The following TPH1 variants were observed in gnomAD, a reference collection of about 807,000 sequenced individuals.
The protein encoded by TPH1 is tryptophan hydroxylase 1, also known as tryptophan 5-hydroxylase 1.
In TPH1, 37 loss-of-function variants were observed where a neutral mutation model predicts 49.5. The ratio of observed to expected loss-of-function variants is 0.75; its 90% CI spans 0.58 to 0.98. The LOEUF (loss-of-function observed/expected upper bound fraction) is 0.98, where lower values mean the gene tolerates loss of function less well. TPH1 is among the 50% of genes least tolerant of loss of function. The pLI is 0.00. For synonymous variants in TPH1, 160 were observed against 182.1 expected, an observed-to-expected ratio of 0.88 and a Z score of 0.98; for missense variants, 487 against 523.6, an observed-to-expected ratio of 0.93 and a Z score of 0.68.
intron 1 of TPH1, among the ~76,000 whole-genome samples, chr11:18,044,602 C>G (rs1469380509): frequency 6.6e-6 from 1 of 151,752 alleles, no homozygotes; most frequent in Non-Finnish European, 1.5e-5. Context: ...TAAAACTTGG[C>G]CATAACTTTG....
rs1340242045 is a variant in TPH1 at position 18,019,605 on chromosome 11, G to T, written c.*1386C>A. 1 of 456,206 alleles carries T rather than the reference G, an allele frequency of 2.2e-6. No homozygotes were observed. The highest frequency in any genetic ancestry group is 6.9e-5 in the East Asian group (1 of 14,390). The allele number at this position is 456,206 out of a possible 1,614,324, so 28.3% of individuals were successfully genotyped here. On this transcript the variant is annotated 3_prime_UTR_variant, in exon 11 of 11. Transcript: ENST00000682019. ...AAAAAAATTCAAGAAAGATGTCAGG[G>T]TTATAACTGCAAATAGAGGAGTCAT...
intron 2 of TPH1, 73 bp downstream of exon 2, chr11:18,040,573 C>T (rs984621265): frequency 2.3e-5 from 33 of 1,416,814 alleles, no homozygotes; most frequent in Non-Finnish European, 2.9e-5. Flanking sequence ...TGCTATGTTG[C>T]CCTATATTTT....
chr11:18,029,070 A>G, intron 6 of TPH1, 95 bp downstream of exon 6: 1 of 837,508 alleles, frequency 1.2e-6, no homozygotes. Flanking sequence ...ACAGAAAGAG[A>G]GACTCTGTCT....
At position 18,018,665 on chromosome 11, in the gene TPH1, C is replaced by CAAAAAAAAAAAA. The variant is rs57390279; in HGVS notation, c.*2314_*2325dup. ...TGGGCGACAGAGCAAGACTCCGTCTCAAAAAAAAAAAAAAAAAAAAAAAAA... is the reference window on the plus strand; with the variant it reads ...TGGGCGACAGAGCAAGACTCCGTCTCAAAAAAAAAAAAAAAAAAAAAAAAAAAAAAAAAAAAA... On this transcript the variant is annotated 3_prime_UTR_variant, in exon 11 of 11. Transcript: ENST00000682019. 23 of 37,038 alleles carry CAAAAAAAAAAAA rather than the reference C, an allele frequency of 6.2e-4. No homozygotes were observed. Among genetic ancestry groups the CAAAAAAAAAAAA allele is most frequent in the East Asian group, 1.1e-3 (1 of 900 alleles). The allele number at this position is 37,038 out of a possible 1,614,324, so 2.3% of individuals were successfully genotyped here. A position where few individuals can be genotyped will look rare whatever the true frequency, so the allele number is the denominator to read the frequency against.
At chr11:18,032,537 C>CTTTTTT (rs34366393) in intron 4 of TPH1, among the ~76,000 whole-genome samples, 3 of 86,304 alleles carry the variant, frequency 3.5e-5, no homozygotes, top group Admixed American at 1.2e-4. Flanking sequence ...TTGTTGAAAT[C>CTTTTTT]TTTTTTTTTT....
In TPH1 at chr11:18,033,299, C is replaced by G. The variant is rs376428669; in HGVS notation, c.377G>C (p.Gly126Ala). 2 of 1,613,222 alleles carry G rather than the reference C, an allele frequency of 1.2e-6. No homozygotes were observed. Among genetic ancestry groups the G allele is most frequent in the Non-Finnish European group, 1.7e-6 (2 of 1,179,244 alleles). Residue 126 changes from glycine (G) to alanine (A), a missense_variant, in exon 4 of 11, where the codon GGA (glycine) becomes GCA (alanine). Transcript: ENST00000682019. ...AGGATGGTCTGCATCTAGTTCAGAT[C>G]CATACATCAGAACTCTGTTGGCACA... ...DHCANRVLMYGSELDADHPGF... is the reference protein window; with the variant it reads ...DHCANRVLMYASELDADHPGF...
At chr11:18,038,496 A>G (rs1045678883) in intron 2 of TPH1, among the ~76,000 whole-genome samples, 2 of 152,250 alleles carry the variant, frequency 1.3e-5, no homozygotes, top group African/African-American at 2.4e-5. Context: ...GTGCAGACAA[A>G]GTAATTCAAT....
At chr11:18,024,529 T>A (rs573834442) in intron 8 of TPH1, among the ~76,000 whole-genome samples, 1 of 152,224 alleles carries the variant, frequency 6.6e-6, no homozygotes, top group African/African-American at 2.4e-5. Context: ...TAGAAAAGCA[T>A]TGAATATCTT....
chr11:18,023,043 T>C (rs1352204641), intron 9 of TPH1, 112 bp from the exon 10 acceptor site: 39 of 1,190,588 alleles, frequency 3.3e-5, no homozygotes, highest in Non-Finnish European at 4.4e-5. Context: ...GGCCCCAATC[T>C]ACAATTCCAA....
chr11:18,026,140 C>T (rs756023904), intron 7 of TPH1, among the ~76,000 whole-genome samples: 5 of 152,116 alleles, frequency 3.3e-5, no homozygotes, highest in Non-Finnish European at 7.4e-5. Context: ...CCACTCGATG[C>T]AACATTTGCA....
At chr11:18,039,809 T>C (rs1848082984) in intron 2 of TPH1, among the ~76,000 whole-genome samples, 1 of 152,154 alleles carries the variant, frequency 6.6e-6, no homozygotes, top group African/African-American at 2.4e-5. Context: ...GTGTTCTGCC[T>C]GACTGATCCA....
At position 18,019,879 on chromosome 11, in the gene TPH1, T is replaced by C. The variant is rs1854337808; in HGVS notation, c.*1112A>G. ...AAACCATTCCTTGGCAATCCTTACA[T>C]TACTTACAGTCTCAGTCCTAAACCA... On this transcript the variant is annotated 3_prime_UTR_variant, in exon 11 of 11. Coordinates refer to ENST00000682019, the MANE Select transcript of TPH1 (RefSeq NM_004179.3). 7.7e-6 allele frequency: 3 copies of C among 388,576 alleles called. No homozygotes were observed. The highest frequency in any genetic ancestry group is 2.1e-5 in the African/African-American group (1 of 47,770). The allele number at this position is 388,576 out of a possible 1,614,324, so 24.1% of individuals were successfully genotyped here.
At chr11:18,027,417 G>A (rs896888612) in intron 6 of TPH1, among the ~76,000 whole-genome samples, 3 of 152,220 alleles carry the variant, frequency 2.0e-5, no homozygotes, top group Non-Finnish European at 4.4e-5. Context: ...CTAGCCACAT[G>A]TAGCCATTGA....
intron 3 of TPH1, among the ~76,000 whole-genome samples, chr11:18,035,040 G>T (rs934142373): frequency 6.6e-6 from 1 of 152,220 alleles, no homozygotes; most frequent in African/African-American, 2.4e-5. Flanking sequence ...TCACAATAGG[G>T]TTTACGCTCC....
intron 4 of TPH1, among the ~76,000 whole-genome samples, chr11:18,030,473 T>G (rs896925238): frequency 6.8e-6 from 1 of 146,734 alleles, no homozygotes. Context: ...ATGCAAATAA[T>G]GGGAAAGAAG....
chr11:18,020,797 A>C lies in TPH1; in HGVS notation c.*194T>G. 1 of 582,976 alleles carries C rather than the reference A, an allele frequency of 1.7e-6. No individual in the cohort carries two copies. Among genetic ancestry groups the C allele is most frequent in the African/African-American group, 1.9e-5 (1 of 53,446 alleles). The allele number at this position is 582,976 out of a possible 1,614,324, so 36.1% of individuals were successfully genotyped here. On this transcript the variant is annotated 3_prime_UTR_variant, in exon 11 of 11. Coordinates refer to ENST00000682019, the MANE Select transcript of TPH1 (RefSeq NM_004179.3). ...ACCAAAAAAAAAAAGAAATAAAACT[A>C]AACAAAAAAATAAGTGGTAAATAGA...
At chr11:18,028,212 A>G (rs1288677397) in intron 6 of TPH1, among the ~76,000 whole-genome samples, 1 of 152,246 alleles carries the variant, frequency 6.6e-6, no homozygotes, top group Non-Finnish European at 1.5e-5. Flanking sequence ...AAGAACTAAA[A>G]GGAACAAAAT....
intron 2 of TPH1, among the ~76,000 whole-genome samples, chr11:18,038,798 A>T (rs543329168): frequency 9.2e-5 from 14 of 152,286 alleles, no homozygotes; most frequent in Non-Finnish European, 1.5e-4. Context: ...AATTAAATTT[A>T]AAAAAAGCTG....
rs1265580055 is a variant in TPH1 at position 18,029,025 on chromosome 11, A to G, written c.667+140T>C. 17 of 635,430 alleles carry G rather than the reference A, an allele frequency of 2.7e-5. No homozygotes were observed. In the Admixed American group the frequency reaches 4.5e-4, roughly 17 times the overall value. 39.4% of individuals were successfully genotyped at this position (635,430 alleles called of 1,614,324 possible). ...GGCTGCAGTGACAGAGGCTGCAGTGAGCCAAGATGGCATCACTGTACTCCA... is the reference window on the plus strand; with the variant it reads ...GGCTGCAGTGACAGAGGCTGCAGTGGGCCAAGATGGCATCACTGTACTCCA... On this transcript the variant is annotated intron_variant, in intron 6 of 10. Coordinates refer to ENST00000682019, the MANE Select transcript of TPH1 (RefSeq NM_004179.3).
Sources: allele counts gnomAD v4.1 joint callset (sites outside exome capture counted in the v4.1 genomes callset), GRCh38; gene constraint gnomAD v4.1.1; transcripts MANE v1.5; gene names NCBI Gene and HGNC (gene_info 2026-07-23, HGNC 2026-07-21).